The following PPRC1 variants were observed in gnomAD, a reference collection of about 807,000 sequenced individuals.
The protein encoded by PPRC1 is peroxisome proliferator-activated receptor gamma coactivator-related protein 1.
In PPRC1, 23 loss-of-function variants were observed where a neutral mutation model predicts 132.5. The observed-to-expected ratio is 0.17, with a 90% CI of 0.12 to 0.25. PPRC1 has a LOEUF of 0.25. PPRC1 is among the 10% of genes least tolerant of loss of function. The pLI, the probability that PPRC1 is intolerant of heterozygous loss-of-function variation, is 1.00. For synonymous variants in PPRC1, 872 were observed against 833.5 expected (o/e 1.05, Z -0.80); for missense variants, 2,006 against 2,089.1 (o/e 0.96, Z 0.78).
rs753532044 is a variant in PPRC1, at chr10:102,141,718, G to C, written c.3210G>C (p.Val1070=). The stretch of plus-strand genomic sequence containing the variant: ...CATCTCCCCATCCGAAACACAAGGT[G>C]TCTGCCCTGGTGCAAAGTCCCCAGA... The part of the protein sequence containing the change: ...VPASPHPKHK[V]SALVQSPQMK... Residue 1070 remains valine, a synonymous_variant, in exon 5 of 14, where the codon GTG becomes GTC. Coordinates refer to ENST00000278070, the MANE Select transcript of PPRC1 (RefSeq NM_015062.5). The C allele has an allele frequency of 6.2e-7, 1 of 1,614,032 alleles. No individual in the cohort carries two copies. Among genetic ancestry groups the C allele is most frequent in the South Asian group, 1.1e-5 (1 of 91,052 alleles).
upstream of PPRC1, among the ~76,000 whole-genome samples, chr10:102,131,858 ATGT>A (rs986688701): frequency 3.5e-4 from 53 of 152,160 alleles, no homozygotes; most frequent in African/African-American, 1.3e-3. Flanking sequence ...GGGTTTTGCC[ATGT>A]TGTCCAGGCT....
chr10:102,144,953 A>G, intron 7 of PPRC1, 67 bp from the exon 8 acceptor site: 1 of 1,237,538 alleles, frequency 8.1e-7, no homozygotes, highest in Non-Finnish European at 1.2e-6. Flanking sequence ...TTGATTTCTG[A>G]GAAAGGCAAA....
chr10:102,139,322 C>G lies in PPRC1; in HGVS notation c.814C>G (p.Pro272Ala), dbSNP rs1176482699. The change falls in exon 5 of 14, where the codon CCG (proline) becomes GCG (alanine). Residue 272 changes from proline to alanine, a missense_variant. Pro to Ala is a conservative substitution (Grantham distance 27, BLOSUM62 -1). Transcript: ENST00000278070. ...GELDNCVSSI[P>A]DFPMHLACPE... ...GCTTGACAACTGTGTGAGCAGTATC[C>G]CGGACTTCCCCATGCATTTGGCCTG... is the stretch of plus-strand genomic sequence containing the variant. 6.2e-7 allele frequency: 1 copy of G among 1,614,036 alleles called. No homozygotes were observed. The highest frequency in any genetic ancestry group is 8.5e-7 in the Non-Finnish European group (1 of 1,180,016).
chr10:102,147,502 C>T, intron 9 of PPRC1, 110 bp downstream of exon 9: 1 of 1,364,872 alleles, frequency 7.3e-7, no homozygotes, highest in African/African-American at 1.5e-5. Flanking sequence ...GGCGCTAAGG[C>T]TTCTATTTCT....
the PPRC1 span, among the ~76,000 whole-genome samples, chr10:102,126,217 A>C: frequency 6.6e-6 from 1 of 152,130 alleles, no homozygotes; most frequent in Non-Finnish European, 1.5e-5. Flanking sequence ...TGGCTCACAC[A>C]TGTAATCCTA....
chr10:102,127,686 G>A, the PPRC1 span, among the ~76,000 whole-genome samples: 4 of 151,844 alleles, frequency 2.6e-5, no homozygotes, highest in South Asian at 4.2e-4. Flanking sequence ...GATTACAGGC[G>A]AGAGTCACCA....
the PPRC1 span, among the ~76,000 whole-genome samples, chr10:102,120,987 C>T: frequency 6.6e-6 from 1 of 152,208 alleles, no homozygotes; most frequent in Non-Finnish European, 1.5e-5. Context: ...AAGAAGCATT[C>T]TCTTAATTCT....
At position 102,136,449 on chromosome 10, in the gene PPRC1, C is replaced by CT. The variant is rs200729867; in HGVS notation, c.154-1399dup. 1.8e-3 allele frequency among the ~76,000 whole-genome samples: 270 copies of CT among 152,140 alleles called. 5 individuals carry two copies. The East Asian group carries it at 0.043, about 24-fold the overall frequency. On this transcript the variant is annotated intron_variant, in intron 1 of 13. Transcript: ENST00000278070. ...GTGATCCTGTTCTCAGGCCTTTTTA[C>CT]TTCATGTTTCCTATGCGGTAGTTTC...
In PPRC1 at chr10:102,141,704, C is replaced by T. The variant is rs1330245116; in HGVS notation, c.3196C>T (p.Pro1066Ser). The T allele has an allele frequency of 1.9e-6, 3 of 1,614,048 alleles. No individual in the cohort carries two copies. In the South Asian group the frequency reaches 3.3e-5, roughly 18 times the overall value. ...CAAGCCAGTGCCTGCATCTCCCCATCCGAAACACAAGGTGTCTGCCCTGGT... is the reference window on the plus strand; with the variant it reads ...CAAGCCAGTGCCTGCATCTCCCCATTCGAAACACAAGGTGTCTGCCCTGGT... ...EVKPVPASPH[P>S]KHKVSALVQS... The change falls in exon 5 of 14, where the codon CCG (proline) becomes TCG (serine). Residue 1066 changes from proline to serine, a missense_variant. Physicochemically the swap from Pro to Ser is moderately conservative, Grantham distance 74. This residue lies in a region of PPRC1 where 1,914 missense variants were observed against 1,917.2 expected (regional missense o/e 1.00). Transcript: ENST00000278070.
rs762428138 is a variant in PPRC1, at chr10:102,140,945, A to T, written c.2437A>T (p.Thr813Ser). 126 of 1,613,798 alleles carry T rather than the reference A, an allele frequency of 7.8e-5. No individual in the cohort carries two copies. The highest frequency in any genetic ancestry group is 3.3e-5 in the Admixed American group (2 of 59,994). The change falls in exon 5 of 14, where the codon ACA becomes TCA. Residue 813 changes from threonine (T) to serine (S), a missense_variant. Thr to Ser is a moderately conservative substitution (Grantham distance 58, BLOSUM62 1). This residue lies in a region of PPRC1 where 1,914 missense variants were observed against 1,917.2 expected (regional missense o/e 1.00). Coordinates refer to ENST00000278070, the MANE Select transcript of PPRC1 (RefSeq NM_015062.5). Reference protein sequence around the residue: ...KKTALQRSPETPLEICLVPVG... With the variant: ...KKTALQRSPESPLEICLVPVG... ...GACAGCTCTGCAGAGAAGCCCTGAA[A>T]CACCCCTTGAGATTTGCCTTGTGCC...
chr10:102,139,813 G>A lies in PPRC1; in HGVS notation c.1305G>A (p.Glu435=), dbSNP rs2068875019. 1.2e-6 allele frequency: 2 copies of A among 1,614,196 alleles called. No homozygotes were observed. Among genetic ancestry groups the A allele is most frequent in the Non-Finnish European group, 1.7e-6 (2 of 1,180,036 alleles). Residue 435 remains glutamate, a synonymous_variant, in exon 5 of 14, where the codon GAG becomes GAA. Transcript: ENST00000278070. ...TATTGAAGCCCAGGGAGGTCGTGGA[G>A]CCGGTGGTGCCCAAGGAGCCTCAGA... The part of the protein sequence containing the change: ...ACLLKPREVV[E]PVVPKEPQNP...
chr10:102,132,993 T>G (rs2068574240), upstream of PPRC1: 22 of 1,233,504 alleles, frequency 1.8e-5, no homozygotes, highest in Non-Finnish European at 2.2e-5. Flanking sequence ...ATTCGGGAGT[T>G]GTAGTTCCTT....
chr10:102,146,531 C>T lies in PPRC1; in HGVS notation c.3680-141C>T. ...GAACATGGGGAAGGGGCAGTTGAAG[C>T]AGTGGGAAAAGTTGGGCTGCTTACC... On this transcript the variant is annotated intron_variant, in intron 8 of 13. Transcript: ENST00000278070. 5 of 1,189,834 alleles carry T rather than the reference C, an allele frequency of 4.2e-6. No homozygotes were observed. The South Asian group carries it at 8.0e-5, about 19-fold the overall frequency. 73.7% of individuals were successfully genotyped at this position (1,189,834 alleles called of 1,614,324 possible).
chr10:102,120,382 T>A, the PPRC1 span: 1 of 983,244 alleles, frequency 1.0e-6, no homozygotes, highest in South Asian at 4.7e-5. Context: ...CGTGTGTGCG[T>A]GTGTGCGCGT....
upstream of PPRC1, among the ~76,000 whole-genome samples, chr10:102,128,232 C>T (rs2068492185): frequency 1.3e-5 from 2 of 151,940 alleles, no homozygotes; most frequent in South Asian, 4.2e-4. Flanking sequence ...CTCCGACTCC[C>T]TGGTTCAAGC....
chr10:102,145,881 C>CA (rs11428087), intron 8 of PPRC1, among the ~76,000 whole-genome samples: 2,761 of 150,090 alleles, frequency 0.018, 136 homozygotes, highest in East Asian at 0.17. Context: ...AAACAAACAA[C>CA]AAAAAAAAAC....
chr10:102,133,260 C>T (rs1194805651), intron 1 of PPRC1, 39 bp downstream of exon 1: 2 of 1,251,054 alleles, frequency 1.6e-6, no homozygotes, highest in Non-Finnish European at 2.0e-6. Flanking sequence ...GGCAGCAAAG[C>T]GGTGTGTGCC....
At chr10:102,133,297 A>G in intron 1 of PPRC1, 76 bp downstream of exon 1, 1 of 1,175,962 alleles carries the variant, frequency 8.5e-7, no homozygotes, top group Non-Finnish European at 1.1e-6. Context: ...ACGCCACAGG[A>G]AAGAGAGGAA....
chr10:102,139,070 T>A (rs2133629192), intron 4 of PPRC1, 30 bp from the exon 5 acceptor site: 1 of 1,607,840 alleles, frequency 6.2e-7, no homozygotes, highest in East Asian at 2.2e-5. Flanking sequence ...CAAAGAAAAC[T>A]CCTCCTGAGA....
Sources: allele counts gnomAD v4.1 joint callset (sites outside exome capture counted in the v4.1 genomes callset), GRCh38; gene constraint gnomAD v4.1.1; regional missense constraint gnomAD v4.1.1; transcripts MANE v1.5; gene names NCBI Gene and HGNC (gene_info 2026-07-23, HGNC 2026-07-21).